HNF4A: variants seen among roughly 807,000 people sequenced by gnomAD.
HNF4A encodes hepatocyte nuclear factor 4 alpha.
HNF4A carries 15 observed loss-of-function variants against 52.4 expected under a neutral mutation model. That is an observed-to-expected ratio of 0.29 (90% CI 0.19 to 0.44). HNF4A has a LOEUF of 0.44. Among genes scored for constraint, HNF4A ranks in the 20% least tolerant of loss-of-function variants. The pLI is 1.00. For synonymous variants in HNF4A, 280 were observed against 264.4 expected, an observed-to-expected ratio of 1.06 and a Z score of -0.57; for missense variants, 479 against 647.2, an observed-to-expected ratio of 0.74 and a Z score of 2.82.
intron 1 of HNF4A, chr20:44,390,471 A>C: frequency 1.7e-6 from 1 of 600,444 alleles, no homozygotes; most frequent in Admixed American, 2.7e-5. Context: ...TGCAGTTTCC[A>C]TGGAGACCGC....
intron 1 of HNF4A, among the ~76,000 whole-genome samples, chr20:44,361,083 G>C (rs2062911965): frequency 6.6e-6 from 1 of 151,922 alleles, no homozygotes; most frequent in Non-Finnish European, 1.5e-5. Flanking sequence ...TTAAAATATG[G>C]CCCCTCTCCA....
chr20:44,408,208 T>A (rs2063531025), intron 3 of HNF4A: 1 of 156,122 alleles, frequency 6.4e-6, no homozygotes, highest in African/African-American at 2.4e-5. Context: ...ATTGAACCTA[T>A]TACAATTCCT....
chr20:44,356,281 C>T (rs949647653), intron 1 of HNF4A, among the ~76,000 whole-genome samples: 1 of 152,188 alleles, frequency 6.6e-6, no homozygotes, highest in African/African-American at 2.4e-5. Context: ...CCGGGCAGCT[C>T]GGTCGCTCCG....
At chr20:44,381,279 C>CCTTTT (rs1322191179) in intron 1 of HNF4A, among the ~76,000 whole-genome samples, 8 of 110,130 alleles carry the variant, frequency 7.3e-5, no homozygotes, top group African/African-American at 2.9e-4. Flanking sequence ...TCAGTGAGAG[C>CCTTTT]TTTTTTTTTT....
rs577283775 is a variant in HNF4A at position 44,393,892 on chromosome 20, T to A, written c.50-12166T>A. 1.0e-3 allele frequency among the ~76,000 whole-genome samples: 155 copies of A among 152,146 alleles called. 1 individual carries two copies. The highest frequency in any genetic ancestry group is 6.8e-3 in the Middle Eastern group (2 of 294). ...TGTCTTTAATTTTAAAAAATCTTTT[T>A]AAAAAATAGACACAGGGTCTCACTA... On this transcript the variant is annotated intron_variant, in intron 1 of 9. Transcript: ENST00000316673.
chr20:44,395,832 G>C (rs1298158351), intron 1 of HNF4A: 3 of 152,266 alleles, frequency 2.0e-5, no homozygotes, highest in Non-Finnish European at 4.4e-5. Flanking sequence ...ATAAGTCCCA[G>C]TTTTCTCTGC....
rs1015577244 is a variant in HNF4A, at chr20:44,363,560, C to T, written c.49+7707C>T. On this transcript the variant is annotated intron_variant, in intron 1 of 9. Transcript: ENST00000316673. ...TAGATGGGGGCCTGTGTGGCTCCTTCACAGAGGAGGAGGCAGATGAGAGGC... is the reference window on the plus strand; with the variant it reads ...TAGATGGGGGCCTGTGTGGCTCCTTTACAGAGGAGGAGGCAGATGAGAGGC... Among the ~76,000 whole-genome samples, 3 of 151,968 alleles carry T rather than the reference C, an allele frequency of 2.0e-5. No homozygotes were observed. The East Asian group carries it at 5.8e-4, about 29-fold the overall frequency.
rs147342965 is a variant in HNF4A at position 44,413,769 on chromosome 20, C to T, written c.461C>T (p.Ala154Val). ...GACAGCAGCCTGCCCTCCATCAATG[C>T]GCTCCTGCAGGCGGAGGTCCTGTCC... Residue 154 changes from alanine (A) to valine (V), a missense_variant, in exon 4 of 10, where the codon GCG (alanine) becomes GTG (valine). Physicochemically the swap from Ala to Val is moderately conservative, Grantham distance 64. Around this residue, in one of 3 missense-constraint regions of HNF4A, gnomAD observed 389 missense variants for 525.1 expected, o/e 0.74. Transcript: ENST00000316099. 5.6e-6 allele frequency: 9 copies of T among 1,613,482 alleles called. No individual in the cohort carries two copies. Among genetic ancestry groups the T allele is most frequent in the East Asian group, 2.2e-5 (1 of 44,854 alleles).
rs577918667 is a variant in HNF4A at position 44,414,596 on chromosome 20, G to A, written c.582G>A (p.Gln194=). The change falls in exon 5 of 10, where the codon CAG becomes CAA. Residue 194 remains glutamine (Q), a synonymous_variant. Coordinates refer to ENST00000316099, the MANE Select transcript of HNF4A (RefSeq NM_000457.6). ...ATGTGTGTGAGTCCATGAAGGAGCA[G>A]CTGCTGGTTCTCGTTGAGTGGGCCA... 3 of 1,614,212 alleles carry A rather than the reference G, an allele frequency of 1.9e-6. No homozygotes were observed. The highest frequency in any genetic ancestry group is 2.2e-5 in the South Asian group (2 of 91,074).
chr20:44,402,596 C>T lies in HNF4A; in HGVS notation c.115+1109C>T, dbSNP rs757731931. 2.3e-5 allele frequency: 31 copies of T among 1,365,778 alleles called. No homozygotes were observed. Among genetic ancestry groups the T allele is most frequent in the African/African-American group, 5.9e-5 (4 of 67,720 alleles). 84.6% of individuals were successfully genotyped at this position (1,365,778 alleles called of 1,614,324 possible). A position where few individuals can be genotyped will look rare whatever the true frequency, so the allele number is the denominator to read the frequency against. ...TCTCGCCAGATTGAGGCATCCCCTC[C>T]GACATCACTGGAGCATATCTGGAGG... On this transcript the variant is annotated intron_variant, in intron 1 of 9. Coordinates refer to ENST00000316099, the MANE Select transcript of HNF4A (RefSeq NM_000457.6).
In HNF4A at chr20:44,401,258, T is replaced by G; in HGVS notation, c.-115T>G. 1.3e-6 allele frequency: 2 copies of G among 1,576,800 alleles called. No homozygotes were observed. Among genetic ancestry groups the G allele is most frequent in the Non-Finnish European group, 1.7e-6 (2 of 1,166,216 alleles). ...CCCAGCAGATCTTCCCAGAGGACGGTTTGAAAGGAAGGCAGAGAGGGCACT... is the reference window on the plus strand; with the variant it reads ...CCCAGCAGATCTTCCCAGAGGACGGGTTGAAAGGAAGGCAGAGAGGGCACT... On this transcript the variant is annotated 5_prime_UTR_variant, in exon 1 of 10. Transcript: ENST00000316099.
At chr20:44,384,871 C>T (rs2063200103) in intron 1 of HNF4A, among the ~76,000 whole-genome samples, 1 of 151,956 alleles carries the variant, frequency 6.6e-6, no homozygotes, top group East Asian at 1.9e-4. Flanking sequence ...ATCATGATGG[C>T]CCATCCCACC....
At chr20:44,414,167 A>G (rs931162569) in intron 4 of HNF4A, among the ~76,000 whole-genome samples, 2 of 152,196 alleles carry the variant, frequency 1.3e-5, no homozygotes, top group South Asian at 2.1e-4. Flanking sequence ...TGGGCAAGTC[A>G]CAGCACCTCT....
At chr20:44,420,793 G>A (rs910674214) in intron 7 of HNF4A, among the ~76,000 whole-genome samples, 3 of 152,082 alleles carry the variant, frequency 2.0e-5, no homozygotes, top group Non-Finnish European at 2.9e-5. Context: ...ACTCCAGTCT[G>A]GGTGACAAAG....
chr20:44,357,166 T>C (rs897528793), intron 1 of HNF4A, among the ~76,000 whole-genome samples: 3 of 152,106 alleles, frequency 2.0e-5, no homozygotes, highest in Admixed American at 1.3e-4. Context: ...CAGGAATATG[T>C]GATGCACTGG....
chr20:44,406,369 A>C (rs1422795439), intron 2 of HNF4A, 137 bp downstream of exon 2: 5 of 741,868 alleles, frequency 6.7e-6, no homozygotes, highest in Non-Finnish European at 1.1e-5. Flanking sequence ...GGTTTTGTAA[A>C]AGACTTTGTG....
At chr20:44,423,842 T>C (rs1340611085) in intron 7 of HNF4A, among the ~76,000 whole-genome samples, 176 bp from the exon 8 acceptor site, 1 of 152,192 alleles carries the variant, frequency 6.6e-6, no homozygotes, top group Non-Finnish European at 1.5e-5. Context: ...TCTGCCTGTG[T>C]CTAGGAAATC....
At position 44,407,388 on chromosome 20, in the gene HNF4A, C is replaced by A. The variant is rs780813696; in HGVS notation, c.298C>A (p.Arg100=). 6.2e-7 allele frequency: 1 copy of A among 1,609,780 alleles called. No homozygotes were observed. Among genetic ancestry groups the A allele is most frequent in the Non-Finnish European group, 8.5e-7 (1 of 1,177,740 alleles). Residue 100 remains arginine, a synonymous_variant, in exon 3 of 10, where the codon CGG becomes AGG. Transcript: ENST00000316099. ...ATCCAAAGCCCTCCCCAGATTTAGCCGGCAGTGCGTGGTGGACAAAGACAA... is the reference window on the plus strand; with the variant it reads ...ATCCAAAGCCCTCCCCAGATTTAGCAGGCAGTGCGTGGTGGACAAAGACAA...
At chr20:44,394,227 A>G (rs77769523) in intron 1 of HNF4A, among the ~76,000 whole-genome samples, 2,264 of 152,172 alleles carry the variant, frequency 0.015, 43 homozygotes, top group African/African-American at 0.053. Context: ...CTTTCAAGAC[A>G]TTGCCCGGGT....
Sources: gnomAD v4.1 joint callset for allele counts (sites outside exome capture counted in the v4.1 genomes callset) on GRCh38, gnomAD v4.1.1 for gene constraint, gnomAD v4.1.1 regional missense constraint, MANE v1.5 for transcripts, NCBI Gene and HGNC (gene_info 2026-07-23, HGNC 2026-07-21) for gene names.